ADAM10: variants seen among roughly 807,000 people sequenced by gnomAD.
The protein encoded by ADAM10 is ADAM metallopeptidase domain 10, also known as disintegrin and metalloproteinase domain-containing protein 10.
Under a neutral mutation model 90.1 loss-of-function variants are expected in ADAM10, and 17 were observed. The ratio of observed to expected loss-of-function variants is 0.19; its 90% confidence interval spans 0.13 to 0.28. The LOEUF is 0.28. Among genes scored for constraint, ADAM10 ranks in the 10% least tolerant of loss-of-function variants. The probability of loss-of-function intolerance (pLI) is 1.00; values close to 1 mark genes in which losing one functional copy is unlikely to be tolerated. For synonymous variants in ADAM10, 310 were observed against 298.6 expected (o/e 1.04, Z -0.40); for missense variants, 610 against 914.3 (o/e 0.67, Z 4.29).
intron 2 of ADAM10, among the ~76,000 whole-genome samples, chr15:58,711,537 C>T (rs370550578): frequency 1.3e-5 from 2 of 152,192 alleles, no homozygotes; most frequent in South Asian, 2.1e-4. Context: ...TATGACTACT[C>T]CAATACATAT....
chr15:58,625,299 C>T (rs1895904682), intron 10 of ADAM10, among the ~76,000 whole-genome samples: 1 of 151,850 alleles, frequency 6.6e-6, no homozygotes, highest in Non-Finnish European at 1.5e-5. Flanking sequence ...TCTCAATACT[C>T]CAAAGAAAAG....
At chr15:58,688,831 CAAGA>C (rs1897689337) in intron 2 of ADAM10, among the ~76,000 whole-genome samples, 1 of 136,320 alleles carries the variant, frequency 7.3e-6, no homozygotes, top group Non-Finnish European at 1.5e-5. Flanking sequence ...TGAGATACTG[CAAGA>C]AAGAATATCA....
At chr15:58,641,046 C>G in intron 7 of ADAM10, 86 bp from the exon 8 acceptor site, 1 of 1,263,562 alleles carries the variant, frequency 7.9e-7, no homozygotes, top group Non-Finnish European at 1.1e-6. Flanking sequence ...CTGCGTACAC[C>G]TGGACAATAT....
intron 2 of ADAM10, chr15:58,691,101 A>G (rs764450877): frequency 6.0e-6 from 4 of 661,756 alleles, no homozygotes; most frequent in African/African-American, 1.8e-5. Flanking sequence ...CATATTGGCT[A>G]TCTAGCTGTA....
At chr15:58,627,008 A>T (rs1432613912) in intron 10 of ADAM10, among the ~76,000 whole-genome samples, 1 of 152,190 alleles carries the variant, frequency 6.6e-6, no homozygotes, top group East Asian at 1.9e-4. Context: ...AAATAATTTC[A>T]TAGTAACTTT....
chr15:58,597,253 G>A lies in ADAM10; in HGVS notation c.*294C>T, dbSNP rs1894979734. On this transcript the variant is annotated 3_prime_UTR_variant, in exon 16 of 16. Coordinates refer to ENST00000260408, the MANE Select transcript of ADAM10 (RefSeq NM_001110.4). ...CTGCAAGTGAAGAAAATGCAGCAAC[G>A]AAGAACAGGGAACACGGGGCACATA... 3.2e-6 allele frequency: 3 copies of A among 932,708 alleles called. No homozygotes were observed. The highest frequency in any genetic ancestry group is 3.1e-6 in the Non-Finnish European group (2 of 642,338). 57.8% of individuals were successfully genotyped at this position (932,708 alleles called of 1,614,324 possible). A position where few individuals can be genotyped will look rare whatever the true frequency, so the allele number is the denominator to read the frequency against.
intron 5 of ADAM10, among the ~76,000 whole-genome samples, chr15:58,658,099 A>C (rs1228114238): frequency 1.3e-5 from 2 of 152,126 alleles, no homozygotes; most frequent in East Asian, 3.8e-4. Context: ...AATTGTTATC[A>C]CAAGTCACAA....
Position 58,707,848 on chromosome 15 carries a change from A to G in ADAM10, c.206+9729T>C, listed in dbSNP as rs557423550. Among the ~76,000 whole-genome samples the G allele has an allele frequency of 3.3e-5, 5 of 152,306 alleles. No homozygotes were observed. In the South Asian group the frequency reaches 1.0e-3, roughly 32 times the overall value. On this transcript the variant is annotated intron_variant, in intron 2 of 15. Transcript: ENST00000260408. ...TCCTAGCACTTTGGGAGCCCGAGGC[A>G]GGTGGATCACTTGAGGTCAGGAATT... is the stretch of plus-strand genomic sequence containing the variant.
intron 2 of ADAM10, chr15:58,692,428 T>C: frequency 3.6e-6 from 2 of 549,010 alleles, no homozygotes; most frequent in Non-Finnish European, 7.3e-6. Context: ...CTTATCAGTG[T>C]CATCCTCCTC....
At chr15:58,614,553 T>C (rs1203109384) in intron 11 of ADAM10, among the ~76,000 whole-genome samples, 3 of 152,116 alleles carry the variant, frequency 2.0e-5, no homozygotes, top group African/African-American at 4.8e-5. Flanking sequence ...AAAAAACAAA[T>C]TGGCAGCCAA....
chr15:58,716,749 G>A (rs1898673727), intron 2 of ADAM10, among the ~76,000 whole-genome samples: 1 of 152,136 alleles, frequency 6.6e-6, no homozygotes, highest in Admixed American at 6.5e-5. Context: ...AGCAGAAGCG[G>A]GGAAACTTAT....
chr15:58,669,085 T>A (rs1012219929), intron 4 of ADAM10, among the ~76,000 whole-genome samples: 1 of 152,152 alleles, frequency 6.6e-6, no homozygotes. Context: ...TGCATTAATT[T>A]ATTAAGCAAA....
intron 12 of ADAM10, 26 bp from the exon 13 acceptor site, chr15:58,611,133 G>A (rs1047651457): frequency 6.5e-7 from 1 of 1,543,600 alleles, no homozygotes; most frequent in Non-Finnish European, 9.0e-7. Flanking sequence ...AAGACAAATT[G>A]TTTAATCCCT....
chr15:58,654,274 T>A (rs1289166844), intron 5 of ADAM10, among the ~76,000 whole-genome samples: 1 of 152,228 alleles, frequency 6.6e-6, no homozygotes, highest in Non-Finnish European at 1.5e-5. Flanking sequence ...CAAAATGCAT[T>A]GTTAGTGCAT....
Position 58,702,188 on chromosome 15 carries a change from C to A in ADAM10, c.206+15389G>T, listed in dbSNP as rs1016665241. On this transcript the variant is annotated intron_variant, in intron 2 of 15. Transcript: ENST00000260408. ...AGGTCATTATGTTGAGTGAACTAAGCCAAGCACAAAAAGACAAACATCCCA... is the reference window on the plus strand; with the variant it reads ...AGGTCATTATGTTGAGTGAACTAAGACAAGCACAAAAAGACAAACATCCCA... Among the ~76,000 whole-genome samples, 3 of 152,004 alleles carry A rather than the reference C, an allele frequency of 2.0e-5. No individual in the cohort carries two copies. In the South Asian group the frequency reaches 6.2e-4, roughly 32 times the overall value.
chr15:58,690,186 G>A (rs1406997096), intron 2 of ADAM10, among the ~76,000 whole-genome samples: 1 of 152,062 alleles, frequency 6.6e-6, no homozygotes, highest in Non-Finnish European at 1.5e-5. Flanking sequence ...ACAAATTTCA[G>A]CACCTACTCA....
intron 8 of ADAM10, among the ~76,000 whole-genome samples, chr15:58,639,874 T>C (rs1566976718): frequency 6.6e-6 from 1 of 150,778 alleles, no homozygotes; most frequent in East Asian, 2.0e-4. Flanking sequence ...TCTCTTACTC[T>C]GGATAAAGCA....
chr15:58,640,582 G>A (rs1291580721), intron 8 of ADAM10, among the ~76,000 whole-genome samples, 195 bp downstream of exon 8: 2 of 152,076 alleles, frequency 1.3e-5, no homozygotes, highest in African/African-American at 4.8e-5. Context: ...TTCCCTGTAT[G>A]CGTTTCAAAA....
chr15:58,639,888 G>GT (rs202072993), intron 8 of ADAM10, among the ~76,000 whole-genome samples: 102 of 145,290 alleles, frequency 7.0e-4, no homozygotes, highest in African/African-American at 1.3e-3. Context: ...TAAAGCAGAA[G>GT]TTTTTTTTAA....
Sources: allele counts gnomAD v4.1 joint callset (sites outside exome capture counted in the v4.1 genomes callset), GRCh38; gene constraint gnomAD v4.1.1; transcripts MANE v1.5; gene names NCBI Gene and HGNC (gene_info 2026-07-23, HGNC 2026-07-21).